SIRPG: variants seen among roughly 807,000 people sequenced by gnomAD.
SIRPG encodes signal-regulatory protein gamma.
Under a neutral mutation model 35.7 loss-of-function variants are expected in SIRPG, and 38 were observed. That is an observed-to-expected ratio of 1.06 (90% confidence interval 0.82 to 1.40). The LOEUF is 1.40. SIRPG is among the 40% of genes most tolerant of loss of function. The probability of loss-of-function intolerance (pLI) is 0.00; values close to 1 mark genes in which losing one functional copy is unlikely to be tolerated. For missense variants in SIRPG, 519 were observed against 483.0 expected (o/e 1.07, Z -0.70); for synonymous variants, 215 against 190.4 (o/e 1.13, Z -1.06).
chr20:1,634,887 C>CAA (rs1330192326), intron 4 of SIRPG, among the ~76,000 whole-genome samples: 1 of 151,414 alleles, frequency 6.6e-6, no homozygotes, highest in Non-Finnish European at 1.5e-5. Flanking sequence ...ACTAAAAATA[C>CAA]AAAAAATTAG....
chr20:1,636,207 G>A lies in SIRPG; in HGVS notation c.729C>T (p.Asn243=). 6.2e-7 allele frequency: 1 copy of A among 1,614,160 alleles called. No homozygotes were observed. The highest frequency in any genetic ancestry group is 8.5e-7 in the Non-Finnish European group (1 of 1,180,014). ...LQGDPLRGTA[N]LSEAIRVPPT... ...CTCTACCTCGGATGGCCTCAGACAA[G>A]TTGGCAGTCCCACGAAGAGGGTCCC... The change falls in exon 3 of 6, where the codon AAC becomes AAT. Residue 243 remains asparagine (N), a synonymous_variant. Transcript: ENST00000303415.
intron 5 of SIRPG, among the ~76,000 whole-genome samples, chr20:1,629,964 C>A (rs924352381): frequency 6.6e-5 from 10 of 152,328 alleles, no homozygotes; most frequent in Non-Finnish European, 1.0e-4. Context: ...CAAGGGACCA[C>A]CCACTCATCA....
chr20:1,639,666 T>G (rs1460412656), intron 2 of SIRPG, among the ~76,000 whole-genome samples: 1 of 152,266 alleles, frequency 6.6e-6, no homozygotes, highest in Non-Finnish European at 1.5e-5. Context: ...TTGCAATTGC[T>G]TTTGGCATTT....
upstream of SIRPG, among the ~76,000 whole-genome samples, chr20:1,661,973 G>C (rs556354689): frequency 6.6e-6 from 1 of 152,332 alleles, no homozygotes; most frequent in Admixed American, 6.5e-5. Context: ...CATAATTCCA[G>C]ATGTGGCACA....
the SIRPG span, among the ~76,000 whole-genome samples, chr20:1,685,326 G>A: frequency 6.6e-6 from 1 of 152,176 alleles, no homozygotes; most frequent in African/African-American, 2.4e-5. Context: ...GAATTTGACT[G>A]TATTTGGAGA....
chr20:1,670,933 G>C, the SIRPG span: 2 of 338,534 alleles, frequency 5.9e-6, no homozygotes, highest in South Asian at 2.9e-5. Flanking sequence ...CCCCTGTAAA[G>C]TGATGTGGGC....
chr20:1,654,613 T>C (rs964862734), intron 1 of SIRPG, among the ~76,000 whole-genome samples: 3 of 152,176 alleles, frequency 2.0e-5, no homozygotes, highest in Admixed American at 6.5e-5. Flanking sequence ...TTTCATGACA[T>C]TGGTCTTGGC....
chr20:1,634,291 C>T (rs2091774159), intron 4 of SIRPG, among the ~76,000 whole-genome samples: 1 of 149,440 alleles, frequency 6.7e-6, no homozygotes, highest in African/African-American at 2.5e-5. Flanking sequence ...ACTGCAAGCT[C>T]CGCCTCCTGG....
chr20:1,630,686 C>T (rs2091742893), intron 4 of SIRPG: 1 of 214,556 alleles, frequency 4.7e-6, no homozygotes, highest in African/African-American at 2.4e-5. Flanking sequence ...AGGTTACTTG[C>T]ATTCAAACCT....
the SIRPG span, among the ~76,000 whole-genome samples, chr20:1,678,186 G>A: frequency 3.9e-5 from 6 of 152,054 alleles, no homozygotes; most frequent in Non-Finnish European, 4.4e-5. Context: ...ATCCTCACAT[G>A]TGCTTCTCTA....
chr20:1,641,700 A>T (rs1426320226), intron 2 of SIRPG, among the ~76,000 whole-genome samples: 1 of 152,114 alleles, frequency 6.6e-6, no homozygotes, highest in African/African-American at 2.4e-5. Context: ...TTGATTTCAG[A>T]TCTTTCTAGC....
chr20:1,629,957 G>A (rs1161977462), intron 5 of SIRPG, among the ~76,000 whole-genome samples: 5 of 152,142 alleles, frequency 3.3e-5, no homozygotes, highest in Admixed American at 3.3e-4. Context: ...TAGCCTGCAA[G>A]GGACCACCCA....
intron 1 of SIRPG, among the ~76,000 whole-genome samples, chr20:1,654,268 G>T (rs956120941): frequency 1.5e-4 from 23 of 151,036 alleles, no homozygotes; most frequent in African/African-American, 5.6e-4. Flanking sequence ...AAAGATGGAA[G>T]CACCACACTG....
the SIRPG span, among the ~76,000 whole-genome samples, chr20:1,668,599 A>G: frequency 2.0e-5 from 3 of 152,152 alleles, no homozygotes; most frequent in Non-Finnish European, 2.9e-5. Flanking sequence ...GGAATATTTT[A>G]CCAAAAAATT....
chr20:1,665,184 A>G, the SIRPG span: 33,722 of 154,000 alleles, frequency 0.22, 3,931 homozygotes, highest in Admixed American at 0.33. Flanking sequence ...TCTAAACTCC[A>G]CTGAGCCTGA....
intron 2 of SIRPG, chr20:1,638,604 T>A (rs1568727707): frequency 6.6e-6 from 1 of 152,120 alleles, no homozygotes; most frequent in African/African-American, 2.4e-5. Flanking sequence ...GTGACATCTT[T>A]TTATTATTAT....
At chr20:1,680,821 C>T in the SIRPG span, among the ~76,000 whole-genome samples, 1 of 143,754 alleles carries the variant, frequency 7.0e-6, no homozygotes, top group African/African-American at 2.5e-5. Context: ...GTCATATACT[C>T]ATACTTTCTT....
chr20:1,667,133 G>A, the SIRPG span, among the ~76,000 whole-genome samples: 1 of 152,166 alleles, frequency 6.6e-6, no homozygotes, highest in Non-Finnish European at 1.5e-5. Flanking sequence ...TTGGGCTCAA[G>A]TGATCCCCCT....
At chr20:1,673,218 G>T in the SIRPG span, among the ~76,000 whole-genome samples, 50 of 152,286 alleles carry the variant, frequency 3.3e-4, no homozygotes, top group African/African-American at 1.2e-3. Flanking sequence ...CCAGCATGGC[G>T]ACCCTAACGG....
Sources: allele counts gnomAD v4.1 joint callset (sites outside exome capture counted in the v4.1 genomes callset), GRCh38; gene constraint gnomAD v4.1.1; transcripts MANE v1.5; gene names NCBI Gene and HGNC (gene_info 2026-07-23, HGNC 2026-07-21).